NUP98: variants seen among roughly 807,000 people sequenced by gnomAD.
The protein encoded by NUP98 is nuclear pore complex protein Nup98-Nup96.
NUP98 carries 26 observed loss-of-function variants against 191.9 expected under a neutral mutation model. The observed-to-expected ratio is 0.14, with a 90% CI of 0.10 to 0.19. The LOEUF (loss-of-function observed/expected upper bound fraction) is 0.19. Among genes scored for constraint, NUP98 ranks in the 10% least tolerant of loss-of-function variants. The probability of loss-of-function intolerance (pLI) is 1.00; values close to 1 mark genes in which losing one functional copy is unlikely to be tolerated. For synonymous variants in NUP98, 808 were observed against 778.4 expected (o/e 1.04, Z -0.63); for missense variants, 1,941 against 2,178.8 (o/e 0.89, Z 2.17).
intron 11 of NUP98, among the ~76,000 whole-genome samples, chr11:3,747,545 C>G (rs2080553560): frequency 6.6e-6 from 1 of 152,166 alleles, no homozygotes; most frequent in African/African-American, 2.4e-5. Flanking sequence ...AGTCTCAACA[C>G]ATGGGGCGGG....
chr11:3,774,647 G>T (rs910170024), intron 5 of NUP98, among the ~76,000 whole-genome samples: 2 of 152,050 alleles, frequency 1.3e-5, no homozygotes, highest in African/African-American at 2.4e-5. Flanking sequence ...GAACCAGGAG[G>T]CAGAGGTTGC....
chr11:3,790,295 T>C (rs7924315), intron 1 of NUP98, among the ~76,000 whole-genome samples: 25,836 of 152,034 alleles, frequency 0.17, 2,421 homozygotes, highest in Non-Finnish European at 0.22. Context: ...ACCCGACATA[T>C]AAAACAGACA....
At chr11:3,736,794 A>T (rs2080079435) in intron 12 of NUP98, among the ~76,000 whole-genome samples, 1 of 152,248 alleles carries the variant, frequency 6.6e-6, no homozygotes, top group Non-Finnish European at 1.5e-5. Context: ...GGCAGCATAC[A>T]AACAAAAATG....
chr11:3,790,369 G>A (rs1376055212), intron 1 of NUP98, among the ~76,000 whole-genome samples: 1 of 152,144 alleles, frequency 6.6e-6, no homozygotes, highest in East Asian at 1.9e-4. Context: ...CACCAGCTCT[G>A]CCCTATGAAG....
chr11:3,695,718 T>C (rs866147973), intron 25 of NUP98, 112 bp from the exon 26 acceptor site: 13 of 740,942 alleles, frequency 1.8e-5, no homozygotes, highest in Middle Eastern at 3.3e-4. Context: ...GGATTTAACA[T>C]TGTTAACTGC....
At chr11:3,735,778 TG>T (rs2080028163) in intron 12 of NUP98, among the ~76,000 whole-genome samples, 1 of 150,778 alleles carries the variant, frequency 6.6e-6, no homozygotes, top group Non-Finnish European at 1.5e-5. Flanking sequence ...TGTGTGTGTG[TG>T]TGTGTGTGTG....
rs763973787 is a variant in NUP98 at position 3,731,373 on chromosome 11, TAAC to T, written c.1730+15_1730+17del. On this transcript the variant is annotated intron_variant, in intron 14 of 32. Coordinates refer to ENST00000324932, the MANE Select transcript of NUP98 (RefSeq NM_016320.5). ...TCAGTATTTTACACTTAATTTCTGT[TAAC>T]AAAAATAAACTCACTTGGGCATGAA... 2 of 1,490,604 alleles carry T rather than the reference TAAC, an allele frequency of 1.3e-6. No homozygotes were observed. Among genetic ancestry groups the T allele is most frequent in the East Asian group, 2.4e-5 (1 of 42,168 alleles). 92.3% of individuals were successfully genotyped at this position (1,490,604 alleles called of 1,614,324 possible).
At chr11:3,758,824 A>G (rs1407835785) in intron 10 of NUP98, among the ~76,000 whole-genome samples, 1 of 152,128 alleles carries the variant, frequency 6.6e-6, no homozygotes, top group Non-Finnish European at 1.5e-5. Flanking sequence ...AGAGACAGAC[A>G]CCAAGTATCT....
At position 3,797,385 on chromosome 11, in the gene NUP98, G is replaced by A. The variant is rs115492631; in HGVS notation, c.-29+15C>T. 2,694 of 402,010 alleles carry A rather than the reference G, an allele frequency of 6.7e-3. 64 individuals are homozygous for A. Among genetic ancestry groups the A allele is most frequent in the African/African-American group, 0.051 (2,485 of 48,732 alleles). The allele number at this position is 402,010 out of a possible 1,614,324, so 24.9% of individuals were successfully genotyped here. A position where few individuals can be genotyped will look rare whatever the true frequency, so the allele number is the denominator to read the frequency against. The stretch of plus-strand genomic sequence containing the variant: ...CTGCCGGTCTCGGCCGCTGCAGCTC[G>A]GGCTCCCGACTTACCGCGGTTCGGT... On this transcript the variant is annotated intron_variant, in intron 1 of 32. Transcript: ENST00000324932.
At chr11:3,744,464 T>A in intron 12 of NUP98, 45 bp downstream of exon 12, 1 of 1,565,910 alleles carries the variant, frequency 6.4e-7, no homozygotes, top group South Asian at 1.2e-5. Context: ...TCAGCAAGTA[T>A]TAGCAAAAAA....
chr11:3,797,280 G>A (rs2082698364), intron 1 of NUP98, 120 bp downstream of exon 1: 1 of 397,228 alleles, frequency 2.5e-6, no homozygotes, highest in Non-Finnish European at 4.4e-6. Context: ...GCCAGAAGGT[G>A]CGCGCAGCGG....
chr11:3,777,546 G>A (rs571098657), intron 4 of NUP98, among the ~76,000 whole-genome samples: 1 of 151,232 alleles, frequency 6.6e-6, no homozygotes, highest in East Asian at 1.9e-4. Flanking sequence ...GCTTAAACTG[G>A]GGAGGCGGAG....
intron 1 of NUP98, among the ~76,000 whole-genome samples, chr11:3,785,895 T>C (rs2082125429): frequency 6.6e-6 from 1 of 152,040 alleles, no homozygotes. Context: ...AATAAACCCA[T>C]TAAAGTTTAA....
At chr11:3,745,997 C>T (rs1259869309) in intron 11 of NUP98, among the ~76,000 whole-genome samples, 2 of 152,028 alleles carry the variant, frequency 1.3e-5, no homozygotes, top group Non-Finnish European at 2.9e-5. Flanking sequence ...GGGCCGGGCA[C>T]GGTGCCTCAC....
chr11:3,778,994 G>C lies in NUP98; in HGVS notation c.234C>G (p.Gly78=). ...TTCCTGTTGACGTACCAAACCCAAA[G>C]CCAGTGCTTGTGGAGGTAGCTGGCT... ...FSQPATSTST[G]FGFGTSTGTA... The change falls in exon 4 of 33, where the codon GGC becomes GGG. Residue 78 remains glycine (G), a synonymous_variant. Coordinates refer to ENST00000324932, the MANE Select transcript of NUP98 (RefSeq NM_016320.5). 6.2e-7 allele frequency: 1 copy of C among 1,614,192 alleles called. No homozygotes were observed. Among genetic ancestry groups the C allele is most frequent in the East Asian group, 2.2e-5 (1 of 44,886 alleles).
chr11:3,773,691 T>G lies in NUP98; in HGVS notation c.544A>C (p.Ile182Leu). 2 of 1,613,782 alleles carry G rather than the reference T, an allele frequency of 1.2e-6. No individual in the cohort carries two copies. Among genetic ancestry groups the G allele is most frequent in the Non-Finnish European group, 1.7e-6 (2 of 1,179,810 alleles). ...TMVKAGVSTN[I>L]STKHQCITAM... Reference sequence around the variant, plus strand: ...GTAATACACTGGTGCTTGGTACTTATGTTAGTGCTAACTCCAGCTTTGACC... The same window carrying G: ...GTAATACACTGGTGCTTGGTACTTAGGTTAGTGCTAACTCCAGCTTTGACC... Residue 182 changes from isoleucine (I) to leucine (L), a missense_variant, in exon 6 of 33, where the codon ATA becomes CTA. Physicochemically the swap from Ile to Leu is conservative, Grantham distance 5. This residue lies in a region of NUP98 where 28 missense variants were observed against 74.0 expected (regional missense o/e 0.38). Transcript: ENST00000324932.
At chr11:3,702,172 A>T (rs1037844416) in intron 23 of NUP98, among the ~76,000 whole-genome samples, 1 of 151,398 alleles carries the variant, frequency 6.6e-6, no homozygotes, top group Non-Finnish European at 1.5e-5. Context: ...TGAGAGGCAG[A>T]GGTTGCAGCA....
intron 1 of NUP98, among the ~76,000 whole-genome samples, chr11:3,788,589 C>T (rs959124551): frequency 6.6e-6 from 1 of 151,824 alleles, no homozygotes; most frequent in Non-Finnish European, 1.5e-5. Context: ...GAAATTCTGT[C>T]TCCAAAAATA....
intron 14 of NUP98, among the ~76,000 whole-genome samples, chr11:3,726,144 T>A (rs2079609059): frequency 6.6e-6 from 1 of 152,142 alleles, no homozygotes; most frequent in Non-Finnish European, 1.5e-5. Context: ...AAAGGAACTC[T>A]CAAATTTCTA....
Sources: allele counts gnomAD v4.1 joint callset (sites outside exome capture counted in the v4.1 genomes callset), GRCh38; gene constraint gnomAD v4.1.1; regional missense constraint gnomAD v4.1.1; transcripts MANE v1.5; gene names NCBI Gene and HGNC (gene_info 2026-07-23, HGNC 2026-07-21).